The following SHISA9 variants were observed in gnomAD, a reference collection of about 807,000 sequenced individuals.
The protein encoded by SHISA9 is shisa family member 9.
In SHISA9, 13 loss-of-function variants were observed where a neutral mutation model predicts 38.0. The observed-to-expected ratio is 0.34, with a 90% CI of 0.22 to 0.54. SHISA9 has a LOEUF of 0.54. Ranked by LOEUF, SHISA9 falls within the 20% of genes least tolerant of loss-of-function variation. The pLI is 0.91. For synonymous variants in SHISA9, 275 were observed against 242.0 expected (o/e 1.14, Z -1.27); for missense variants, 538 against 575.8 (o/e 0.93, Z 0.67).
intron 2 of SHISA9, among the ~76,000 whole-genome samples, chr16:13,105,159 G>A (rs2073914358): frequency 6.6e-6 from 1 of 152,142 alleles, no homozygotes; most frequent in South Asian, 2.1e-4. Flanking sequence ...TTCTGTTATG[G>A]TTGCCTTTCC....
At chr16:13,488,184 C>G in the SHISA9 span, among the ~76,000 whole-genome samples, 1 of 152,060 alleles carries the variant, frequency 6.6e-6, no homozygotes, top group African/African-American at 2.4e-5. Flanking sequence ...GCTTTACCTC[C>G]CGACCATTCT....
the SHISA9 span, among the ~76,000 whole-genome samples, chr16:13,416,791 G>GGGAA: frequency 0.33 from 23,535 of 72,264 alleles, 3,710 homozygotes; most frequent in Admixed American, 0.43. Flanking sequence ...AAGGAAGGAA[G>GGGAA]GGAAGGAAGG....
At chr16:12,917,301 C>A (rs7193462) in intron 2 of SHISA9, among the ~76,000 whole-genome samples, 40,708 of 151,966 alleles carry the variant, frequency 0.27, 5,884 homozygotes, top group Middle Eastern at 0.34. Flanking sequence ...TATGTCTATT[C>A]TTTGTAACGC....
At chr16:13,441,145 C>T in the SHISA9 span, among the ~76,000 whole-genome samples, 8 of 152,088 alleles carry the variant, frequency 5.3e-5, no homozygotes, top group African/African-American at 1.7e-4. Flanking sequence ...GAAAAATACA[C>T]GCAAACTGTG....
intron 2 of SHISA9, among the ~76,000 whole-genome samples, chr16:13,158,289 A>G (rs1424532893): frequency 1.3e-5 from 2 of 152,220 alleles, no homozygotes; most frequent in Non-Finnish European, 2.9e-5. Context: ...TTGCAATGGA[A>G]TTAGTCTGAG....
At chr16:13,232,309 AAGG>A (rs1001106744) in intron 4 of SHISA9, among the ~76,000 whole-genome samples, 3 of 152,356 alleles carry the variant, frequency 2.0e-5, no homozygotes, top group East Asian at 3.9e-4. Context: ...AATAAAATAA[AAGG>A]AGATTTCATA....
rs1298699676 is a variant in SHISA9 at position 12,902,562 on chromosome 16, C to A, written c.498C>A (p.Leu166=). 3 of 1,551,276 alleles carry A rather than the reference C, an allele frequency of 1.9e-6. No homozygotes were observed. Among genetic ancestry groups the A allele is most frequent in the Non-Finnish European group, 1.7e-6 (2 of 1,146,994 alleles). ...GCGGGGTGGTGGCCGTCATGGTGCT[C>A]GTGGGCATCTTCACCAAGCTGGGGC... The part of the protein sequence containing the change: ...IICGVVAVMV[L]VGIFTKLGLE... The change falls in exon 1 of 5, where the codon CTC becomes CTA. Residue 166 remains leucine (L), a synonymous_variant. Transcript: ENST00000558583.
chr16:13,280,781 A>G, the SHISA9 span, among the ~76,000 whole-genome samples: 1 of 151,772 alleles, frequency 6.6e-6, no homozygotes, highest in African/African-American at 2.4e-5. Context: ...TCTAAATATA[A>G]GAATTATAAC....
the SHISA9 span, among the ~76,000 whole-genome samples, chr16:13,411,120 T>C: frequency 6.6e-6 from 1 of 152,226 alleles, no homozygotes; most frequent in Non-Finnish European, 1.5e-5. Flanking sequence ...CCGTCCCTGA[T>C]TCACTGGATG....
chr16:13,401,625 T>TC, the SHISA9 span, among the ~76,000 whole-genome samples: 2 of 150,666 alleles, frequency 1.3e-5, no homozygotes, highest in Non-Finnish European at 1.5e-5. Flanking sequence ...AGCTTTCTAT[T>TC]CCCCCCGTAT....
intron 2 of SHISA9, among the ~76,000 whole-genome samples, chr16:12,985,164 A>G (rs759444512): frequency 6.6e-6 from 1 of 151,918 alleles, no homozygotes; most frequent in Non-Finnish European, 1.5e-5. Flanking sequence ...TGTTTTGTAT[A>G]TATCTATCAA....
intron 1 of SHISA9, among the ~76,000 whole-genome samples, chr16:12,906,474 G>A (rs189029104): frequency 6.6e-6 from 1 of 152,036 alleles, no homozygotes; most frequent in Non-Finnish European, 1.5e-5. Context: ...GGGGAGGCTC[G>A]CATGGGATCT....
chr16:13,027,772 CA>C, intron 2 of SHISA9, among the ~76,000 whole-genome samples: 1 of 151,474 alleles, frequency 6.6e-6, no homozygotes, highest in East Asian at 1.9e-4. Flanking sequence ...ACTAAAAGTA[CA>C]AAAATTAGCT....
At chr16:12,914,046 CTTTTT>C (rs61679035) in intron 1 of SHISA9, among the ~76,000 whole-genome samples, 1 of 124,266 alleles carries the variant, frequency 8.0e-6, no homozygotes, top group Non-Finnish European at 1.7e-5. Context: ...GTTTGTTTTT[CTTTTT>C]TTTTTTTTTT....
rs536513516 is a variant in SHISA9, at chr16:13,236,183, C to G, written c.*774C>G. 2 of 152,112 alleles carry G rather than the reference C, an allele frequency of 1.3e-5. No individual in the cohort carries two copies. Among genetic ancestry groups the G allele is most frequent in the East Asian group, 3.9e-4 (2 of 5,180 alleles). The allele number at this position is 152,112 out of a possible 1,614,324, so 9.4% of individuals were successfully genotyped here. A position where few individuals can be genotyped will look rare whatever the true frequency, so the allele number is the denominator to read the frequency against. ...AGAGAACTCCCATAAGGACCATGAC[C>G]GTGGAAATGGGAGGGATGGGCTTTT... On this transcript the variant is annotated 3_prime_UTR_variant, in exon 5 of 5. Transcript: ENST00000558583.
At chr16:13,232,246 G>A (rs756202946) in intron 4 of SHISA9, among the ~76,000 whole-genome samples, 35 of 151,940 alleles carry the variant, frequency 2.3e-4, no homozygotes, top group Non-Finnish European at 1.3e-4. Flanking sequence ...TATTGCTAAT[G>A]AATTAATTTT....
intron 2 of SHISA9, among the ~76,000 whole-genome samples, chr16:12,941,363 T>C (rs2071608848): frequency 6.6e-6 from 1 of 151,984 alleles, no homozygotes; most frequent in African/African-American, 2.4e-5. Context: ...AAAAATAATT[T>C]AATTGTTATA....
intron 2 of SHISA9, among the ~76,000 whole-genome samples, chr16:13,038,052 A>T (rs1235033265): frequency 6.6e-6 from 1 of 152,108 alleles, no homozygotes; most frequent in East Asian, 1.9e-4. Context: ...GTACAGTGGC[A>T]AGATCTCGGC....
intron 4 of SHISA9, among the ~76,000 whole-genome samples, chr16:13,227,555 G>C (rs773930313): frequency 6.6e-6 from 1 of 152,212 alleles, no homozygotes; most frequent in Non-Finnish European, 1.5e-5. Flanking sequence ...CCTTGGGCCA[G>C]AGATGCTATT....
Sources: gnomAD v4.1 joint callset for allele counts (sites outside exome capture counted in the v4.1 genomes callset) on GRCh38, gnomAD v4.1.1 for gene constraint, MANE v1.5 for transcripts, NCBI Gene and HGNC (gene_info 2026-07-23, HGNC 2026-07-21) for gene names.